The following ROBO2 variants were observed in gnomAD, a reference collection of about 807,000 sequenced individuals.
ROBO2 encodes the protein roundabout homolog 2.
A neutral mutation model predicts 160.8 loss-of-function variants in ROBO2; 53 were observed. The observed-to-expected ratio is 0.33, with a 90% CI of 0.26 to 0.41. The LOEUF is 0.41. Ranked by LOEUF, ROBO2 falls within the 10% of genes least tolerant of loss-of-function variation. The pLI is 1.00. For missense variants in ROBO2, 1,577 were observed against 1,722.4 expected, an observed-to-expected ratio of 0.92 and a Z score of 1.49; for synonymous variants, 664 against 611.7, an observed-to-expected ratio of 1.09 and a Z score of -1.26.
intron 1 of ROBO2, among the ~76,000 whole-genome samples, chr3:77,047,001 G>A (rs1273071030): frequency 3.9e-5 from 6 of 152,168 alleles, no homozygotes; most frequent in Non-Finnish European, 2.9e-5. Flanking sequence ...AGAACTCAGA[G>A]AAGGAATAGG....
intron 2 of ROBO2, among the ~76,000 whole-genome samples, chr3:76,532,132 C>CCT (rs1208145443): frequency 6.6e-6 from 1 of 152,206 alleles, no homozygotes; most frequent in Non-Finnish European, 1.5e-5. Flanking sequence ...CCACAACCTT[C>CCT]CTCCTCCCAA....
At chr3:76,605,398 G>A (rs1450222558) in intron 2 of ROBO2, among the ~76,000 whole-genome samples, 3 of 151,662 alleles carry the variant, frequency 2.0e-5, no homozygotes, top group South Asian at 4.2e-4. Context: ...AAAAAAAAAG[G>A]TAATTGGAAT....
intron 2 of ROBO2, among the ~76,000 whole-genome samples, chr3:76,472,174 A>G (rs1391572552): frequency 6.6e-6 from 1 of 152,078 alleles, no homozygotes; most frequent in Non-Finnish European, 1.5e-5. Context: ...AAAGTGACAG[A>G]AAAAAATATG....
chr3:77,645,106 T>C (rs2095399457), intron 25 of ROBO2, among the ~76,000 whole-genome samples: 1 of 152,228 alleles, frequency 6.6e-6, no homozygotes, highest in African/African-American at 2.4e-5. Context: ...GTTTCTGCTA[T>C]TTCACGTTGG....
intron 2 of ROBO2, among the ~76,000 whole-genome samples, chr3:76,659,348 T>C (rs916482294): frequency 2.0e-5 from 3 of 149,326 alleles, no homozygotes; most frequent in Non-Finnish European, 4.4e-5. Context: ...ATATAATGCA[T>C]ATAAATATAT....
At chr3:77,573,206 A>G (rs2093680088) in intron 13 of ROBO2, among the ~76,000 whole-genome samples, 1 of 152,140 alleles carries the variant, frequency 6.6e-6, no homozygotes, top group African/African-American at 2.4e-5. Context: ...TTCTAAAAAC[A>G]TGACAAAGTA....
At chr3:76,158,570 T>G (rs762280816) in intron 2 of ROBO2, among the ~76,000 whole-genome samples, 5 of 152,122 alleles carry the variant, frequency 3.3e-5, no homozygotes, top group Non-Finnish European at 5.9e-5. Flanking sequence ...ATTTATTTTG[T>G]ATACATACTG....
intron 2 of ROBO2, among the ~76,000 whole-genome samples, chr3:76,511,492 A>G (rs2081086662): frequency 6.6e-6 from 1 of 152,196 alleles, no homozygotes; most frequent in Non-Finnish European, 1.5e-5. Context: ...TTTTCCCAAA[A>G]TGTGGCTTTA....
In ROBO2 at chr3:77,602,361, C is replaced by A. The variant is rs2094445793; in HGVS notation, c.3006C>A (p.Ile1002=). Residue 1002 remains isoleucine, a synonymous_variant, in exon 20 of 26, where the codon ATC becomes ATA. Coordinates refer to ENST00000461745, the Ensembl canonical transcript of ROBO2. ...CTACCCCATATGCCACGACACAGAT[C>A]TTGCATTCCAACAGCATACATGAAT... 5.0e-6 allele frequency: 8 copies of A among 1,614,024 alleles called. No individual in the cohort carries two copies. The Admixed American group carries it at 1.3e-4, about 27-fold the overall frequency.
At chr3:77,090,726 A>AAAG in intron 1 of ROBO2, among the ~76,000 whole-genome samples, 1 of 152,170 alleles carries the variant, frequency 6.6e-6, no homozygotes. Context: ...ACTGATCAAT[A>AAAG]ACCTGTGTTC....
intron 2 of ROBO2, among the ~76,000 whole-genome samples, chr3:75,958,497 A>T (rs1019028258): frequency 6.6e-6 from 1 of 151,764 alleles, no homozygotes; most frequent in African/African-American, 2.4e-5. Flanking sequence ...GCACTGTAAG[A>T]AAAAATAATA....
intron 16 of ROBO2, among the ~76,000 whole-genome samples, chr3:77,587,843 T>C (rs2094092445): frequency 6.6e-6 from 1 of 152,124 alleles, no homozygotes; most frequent in African/African-American, 2.4e-5. Context: ...TTAGGCATGA[T>C]ATTAACATTA....
At chr3:77,228,199 C>T (rs2086721195) in intron 2 of ROBO2, among the ~76,000 whole-genome samples, 1 of 152,112 alleles carries the variant, frequency 6.6e-6, no homozygotes, top group Non-Finnish European at 1.5e-5. Context: ...CAGAGGTTTG[C>T]TGTATCACCC....
intron 2 of ROBO2, among the ~76,000 whole-genome samples, chr3:76,791,980 A>G (rs887410924): frequency 6.6e-6 from 1 of 151,948 alleles, no homozygotes; most frequent in Admixed American, 6.6e-5. Context: ...ATATGCAATT[A>G]CTTTGGCATT....
rs199990977 is a variant in ROBO2 at position 76,336,756 on chromosome 3, CAT to C, written c.109+399156_109+399157del. 9.3e-3 allele frequency among the ~76,000 whole-genome samples: 1,407 copies of C among 151,816 alleles called. 17 individuals are homozygous for C. The highest frequency in any genetic ancestry group is 0.012 in the Non-Finnish European group (848 of 67,920). On this transcript the variant is annotated intron_variant, in intron 2 of 26. Transcript: ENST00000487694. ...TTTTAAAATAATCATCATATAAAAA[CAT>C]AAATACATTATCCATCTATAAATAT...
chr3:76,150,056 T>A (rs1323351146), intron 2 of ROBO2, among the ~76,000 whole-genome samples: 1 of 126,090 alleles, frequency 7.9e-6, no homozygotes, highest in Non-Finnish European at 1.7e-5. Flanking sequence ...AGCACACCTC[T>A]GTTTAAAACA....
At chr3:75,971,273 T>A (rs1469180208) in intron 2 of ROBO2, among the ~76,000 whole-genome samples, 1 of 151,450 alleles carries the variant, frequency 6.6e-6, no homozygotes, top group Non-Finnish European at 1.5e-5. Flanking sequence ...ATGTTATATA[T>A]CAAAATATAA....
intron 2 of ROBO2, 111 bp downstream of exon 2, chr3:77,098,451 T>C: frequency 9.2e-7 from 1 of 1,088,572 alleles, no homozygotes; most frequent in Non-Finnish European, 1.4e-6. Flanking sequence ...ACACACTGCA[T>C]AATTTTACTT....
intron 23 of ROBO2, among the ~76,000 whole-genome samples, chr3:77,627,467 T>C (rs544630054): frequency 6.6e-6 from 1 of 152,004 alleles, no homozygotes; most frequent in South Asian, 2.1e-4. Flanking sequence ...GTATTTTTAG[T>C]AGATACGGGG....
Sources: allele counts gnomAD v4.1 joint callset (sites outside exome capture counted in the v4.1 genomes callset), GRCh38; gene constraint gnomAD v4.1.1; transcripts MANE v1.5; gene names NCBI Gene and HGNC (gene_info 2026-07-23, HGNC 2026-07-21).